Variants in MAN2A1 observed in about 807,000 individuals in gnomAD.
MAN2A1 encodes alpha-mannosidase 2.
A neutral mutation model predicts 142.6 loss-of-function variants in MAN2A1; 76 were observed. The ratio of observed to expected loss-of-function variants is 0.53; its 90% CI spans 0.44 to 0.65. The LOEUF (loss-of-function observed/expected upper bound fraction) is 0.65. Among genes scored for constraint, MAN2A1 ranks in the 30% least tolerant of loss-of-function variants. The pLI, the probability that MAN2A1 is intolerant of heterozygous loss-of-function variation, is 0.00. For synonymous variants in MAN2A1, 559 were observed against 473.2 expected (o/e 1.18, Z -2.35); for missense variants, 1,311 against 1,365.1 (o/e 0.96, Z 0.62).
At chr5:109,831,062 A>G (rs1371996531) in intron 16 of MAN2A1, among the ~76,000 whole-genome samples, 1 of 152,248 alleles carries the variant, frequency 6.6e-6, no homozygotes, top group Admixed American at 6.5e-5. Context: ...TTGAGACTCC[A>G]GAGCCAGTTC....
chr5:109,811,177 A>G (rs1356616236), intron 12 of MAN2A1, among the ~76,000 whole-genome samples: 3 of 151,968 alleles, frequency 2.0e-5, no homozygotes, highest in African/African-American at 7.3e-5. Flanking sequence ...TTATGTTTCA[A>G]AATTTACATT....
chr5:109,764,001 A>G (rs1422221386), intron 5 of MAN2A1, among the ~76,000 whole-genome samples: 3 of 151,944 alleles, frequency 2.0e-5, no homozygotes, highest in Admixed American at 6.6e-5. Context: ...GGGTTTTACC[A>G]TGTTGGTCAG....
intron 4 of MAN2A1, among the ~76,000 whole-genome samples, chr5:109,742,018 A>G (rs980002465): frequency 6.6e-6 from 1 of 152,230 alleles, no homozygotes; most frequent in East Asian, 1.9e-4. Context: ...TTTTGGCTAA[A>G]TGCAGTTAAA....
In MAN2A1 at chr5:109,729,590, A is replaced by T. The variant is rs142067478; in HGVS notation, c.707+77A>T. 9.7e-4 allele frequency: 710 copies of T among 728,764 alleles called. 14 individuals are homozygous for T. In the East Asian group the frequency reaches 0.021, roughly 22 times the overall value. The allele number at this position is 728,764 out of a possible 1,614,324, so 45.1% of individuals were successfully genotyped here. A position where few individuals can be genotyped will look rare whatever the true frequency, so the allele number is the denominator to read the frequency against. ...AATGAACTAAGTATTGAATTTTTAGATGGTGAAAATTCTTAGCTTTATATT... is the reference window on the plus strand; with the variant it reads ...AATGAACTAAGTATTGAATTTTTAGTTGGTGAAAATTCTTAGCTTTATATT... On this transcript the variant is annotated intron_variant, in intron 4 of 21. Transcript: ENST00000261483.
intron 18 of MAN2A1, among the ~76,000 whole-genome samples, chr5:109,847,096 A>G (rs991102059): frequency 4.6e-5 from 7 of 152,182 alleles, no homozygotes; most frequent in Non-Finnish European, 7.4e-5. Context: ...AAAAAACACT[A>G]TGTTGAGAAA....
intron 3 of MAN2A1, among the ~76,000 whole-genome samples, chr5:109,728,615 G>C (rs1272180033): frequency 1.3e-5 from 2 of 152,106 alleles, no homozygotes; most frequent in Non-Finnish European, 2.9e-5. Context: ...AAATTTCCAG[G>C]ATATTTGGAA....
chr5:109,834,027 A>G (rs978666366), intron 16 of MAN2A1, among the ~76,000 whole-genome samples: 2 of 152,082 alleles, frequency 1.3e-5, no homozygotes, highest in East Asian at 1.9e-4. Flanking sequence ...TATTTTTTTT[A>G]TAAGTTGGGA....
intron 12 of MAN2A1, among the ~76,000 whole-genome samples, chr5:109,808,234 ATT>A (rs1754223150): frequency 6.6e-6 from 1 of 152,142 alleles, no homozygotes; most frequent in Non-Finnish European, 1.5e-5. Context: ...CCTTTAAAAA[ATT>A]TGTTTGTTTT....
In MAN2A1 at chr5:109,714,694, A is replaced by G. The variant is rs1035895105; in HGVS notation, c.390+920A>G. On this transcript the variant is annotated intron_variant, in intron 2 of 21. Transcript: ENST00000261483. ...GGTAAATATTTTAAAGTTGGACAAA[A>G]TTATTTGGCTTCTGGCCTCGTTTTC... 2.6e-5 allele frequency among the ~76,000 whole-genome samples: 4 copies of G among 152,180 alleles called. No individual in the cohort carries two copies. The East Asian group carries it at 5.8e-4, about 22-fold the overall frequency.
chr5:109,749,982 T>C lies in MAN2A1; in HGVS notation c.708-5347T>C, dbSNP rs1055737873. On this transcript the variant is annotated intron_variant, in intron 4 of 21. Coordinates refer to ENST00000261483, the MANE Select transcript of MAN2A1 (RefSeq NM_002372.4). ...TTATTTTTATCATCACTAACAACAG[T>C]GGCTTTAAGTATGGTCCTTTTTTAG... Among the ~76,000 whole-genome samples the C allele has an allele frequency of 4.6e-5, 7 of 152,062 alleles. No individual in the cohort carries two copies. The South Asian group carries it at 6.2e-4, about 13-fold the overall frequency.
chr5:109,823,585 C>T (rs1754683163), intron 15 of MAN2A1, 138 bp from the exon 16 acceptor site: 3 of 538,300 alleles, frequency 5.6e-6, no homozygotes, highest in Non-Finnish European at 9.7e-6. Flanking sequence ...ATTTTGTTAC[C>T]TTGTAAGATC....
chr5:109,787,617 C>CTT (rs1753627362), intron 10 of MAN2A1, among the ~76,000 whole-genome samples: 1 of 151,822 alleles, frequency 6.6e-6, no homozygotes, highest in Non-Finnish European at 1.5e-5. Flanking sequence ...GCATGTGTGC[C>CTT]TTTAGGATGC....
intron 16 of MAN2A1, among the ~76,000 whole-genome samples, chr5:109,833,239 A>G (rs1580300077): frequency 6.6e-6 from 1 of 152,076 alleles, no homozygotes; most frequent in African/African-American, 2.4e-5. Context: ...GCGGCCAGGC[A>G]GAGACGCTCC....
In MAN2A1 at chr5:109,737,839, G is replaced by A. The variant is rs557939141; in HGVS notation, c.707+8326G>A. 3.9e-5 allele frequency among the ~76,000 whole-genome samples: 6 copies of A among 152,264 alleles called. No homozygotes were observed. The East Asian group carries it at 1.2e-3, about 29-fold the overall frequency. ...TGAAAAAGGCCTAAAGTTTGCTTGT[G>A]GAAGGGTGTATTGGAAGGAGTATAG... On this transcript the variant is annotated intron_variant, in intron 4 of 21. Coordinates refer to ENST00000261483, the MANE Select transcript of MAN2A1 (RefSeq NM_002372.4).
chr5:109,772,685 A>G (rs913871899), intron 7 of MAN2A1, among the ~76,000 whole-genome samples: 3 of 152,014 alleles, frequency 2.0e-5, no homozygotes, highest in African/African-American at 7.2e-5. Flanking sequence ...TGTTTTAAAA[A>G]ATTTTGTAGT....
chr5:109,864,270 T>A (rs12187114), intron 20 of MAN2A1: 1 of 152,012 alleles, frequency 6.6e-6, no homozygotes, highest in Non-Finnish European at 1.5e-5. Flanking sequence ...GAAACAAAAT[T>A]TATTAAGATA....
chr5:109,697,393 C>T (rs558028656), intron 1 of MAN2A1, among the ~76,000 whole-genome samples: 1 of 152,174 alleles, frequency 6.6e-6, no homozygotes, highest in South Asian at 2.1e-4. Context: ...GCATTTTTTA[C>T]GAAAGTGGGG....
chr5:109,830,175 T>C (rs1342537986), intron 16 of MAN2A1, among the ~76,000 whole-genome samples: 4 of 152,176 alleles, frequency 2.6e-5, no homozygotes, highest in African/African-American at 9.6e-5. Context: ...CATGCATAGT[T>C]TTTTCATGAT....
chr5:109,834,081 G>A (rs1351761368), intron 16 of MAN2A1, among the ~76,000 whole-genome samples: 1 of 152,144 alleles, frequency 6.6e-6, no homozygotes, highest in Admixed American at 6.5e-5. Flanking sequence ...CATGGAGGCA[G>A]GTCATTATGA....
Sources: allele counts gnomAD v4.1 joint callset (sites outside exome capture counted in the v4.1 genomes callset), GRCh38; gene constraint gnomAD v4.1.1; transcripts MANE v1.5; gene names NCBI Gene and HGNC (gene_info 2026-07-23, HGNC 2026-07-21).